Variants in ABHD18 observed in about 807,000 individuals in gnomAD.
ABHD18 encodes the protein abhydrolase domain containing 18.
Under a neutral mutation model 65.9 loss-of-function variants are expected in ABHD18, and 55 were observed. That is an observed-to-expected ratio of 0.84 (90% confidence interval 0.67 to 1.05). The LOEUF is 1.05. ABHD18 is among the 50% of genes least tolerant of loss of function. The pLI is 0.00. For synonymous variants in ABHD18, 181 were observed against 180.2 expected, an observed-to-expected ratio of 1.00 and a Z score of -0.04; for missense variants, 533 against 558.5, an observed-to-expected ratio of 0.95 and a Z score of 0.46.
intron 7 of ABHD18, among the ~76,000 whole-genome samples, chr4:128,011,961 A>G (rs1043927169): frequency 1.3e-5 from 2 of 152,050 alleles, no homozygotes; most frequent in African/African-American, 4.8e-5. Flanking sequence ...GAAACTGTAA[A>G]TGAAGAAATG....
chr4:128,019,736 C>T (rs1399889742), intron 8 of ABHD18, among the ~76,000 whole-genome samples: 3 of 152,176 alleles, frequency 2.0e-5, no homozygotes, highest in African/African-American at 7.2e-5. Flanking sequence ...TGTGATTTTG[C>T]TCTATCTGGC....
intron 11 of ABHD18, among the ~76,000 whole-genome samples, chr4:128,029,096 A>C (rs1001119061): frequency 6.6e-6 from 1 of 152,082 alleles, no homozygotes; most frequent in Non-Finnish European, 1.5e-5. Context: ...TCATGCCTGT[A>C]ATCCCAGCAT....
At chr4:128,028,400 C>T in intron 10 of ABHD18, 75 bp from the exon 11 acceptor site, 11 of 1,140,744 alleles carry the variant, frequency 9.6e-6, no homozygotes, top group East Asian at 8.6e-5. Context: ...TTTGTCTTTT[C>T]TCTTTTTTTT....
chr4:128,032,344 G>A (rs1005528203), intron 12 of ABHD18, among the ~76,000 whole-genome samples: 1 of 152,020 alleles, frequency 6.6e-6, no homozygotes, highest in African/African-American at 2.4e-5. Context: ...GATGACATTG[G>A]AATAGTAGAA....
chr4:128,013,427 G>T (rs1249731824), intron 7 of ABHD18, among the ~76,000 whole-genome samples: 1 of 152,132 alleles, frequency 6.6e-6, no homozygotes. Context: ...TGGGCCGGGC[G>T]CAGTGGCTCA....
At chr4:127,987,526 C>G (rs1271223584) in intron 3 of ABHD18, among the ~76,000 whole-genome samples, 2 of 151,744 alleles carry the variant, frequency 1.3e-5, no homozygotes, top group African/African-American at 4.8e-5. Flanking sequence ...CCTGGCCAAC[C>G]TGGCAAAACC....
intron 1 of ABHD18, among the ~76,000 whole-genome samples, chr4:127,972,760 G>A (rs1262446653): frequency 1.3e-5 from 2 of 151,898 alleles, no homozygotes; most frequent in Non-Finnish European, 2.9e-5. Context: ...AAAAACACTA[G>A]TCAAGCAATT....
At chr4:127,968,994 A>G (rs996772828) in intron 1 of ABHD18, among the ~76,000 whole-genome samples, 1 of 151,236 alleles carries the variant, frequency 6.6e-6, no homozygotes, top group African/African-American at 2.5e-5. Flanking sequence ...ATGGGATTTA[A>G]GAAGATTTGT....
intron 1 of ABHD18, among the ~76,000 whole-genome samples, chr4:127,967,220 T>G (rs1745771693): frequency 6.6e-6 from 1 of 151,886 alleles, no homozygotes; most frequent in South Asian, 2.1e-4. Context: ...CTCATTGAAT[T>G]ACTTCATCTC....
In ABHD18 at chr4:128,028,844, A is replaced by C; in HGVS notation, c.1171A>C (p.Asn391His). The C allele has an allele frequency of 6.5e-7, 1 of 1,544,080 alleles. No homozygotes were observed. The highest frequency in any genetic ancestry group is 8.7e-7 in the Non-Finnish European group (1 of 1,148,752). ...CATGGATGAATGTACTCATGTAGCAAATTTCTCAGGTACTAATTTTTATAT... is the reference window on the plus strand; with the variant it reads ...CATGGATGAATGTACTCATGTAGCACATTTCTCAGGTACTAATTTTTATAT... ...GVMDECTHVA[N>H]FSVPVDPSLI... The change falls in exon 11 of 13, where the codon AAT (asparagine) becomes CAT (histidine). Residue 391 changes from asparagine to histidine, a missense_variant. Physicochemically the swap from Asn to His is moderately conservative, Grantham distance 68. This residue lies in a region of ABHD18 where 220 missense variants were observed against 226.8 expected (regional missense o/e 0.97). Transcript: ENST00000645843.
chr4:128,006,129 T>C (rs546227868), intron 4 of ABHD18, among the ~76,000 whole-genome samples: 3 of 152,294 alleles, frequency 2.0e-5, no homozygotes, highest in South Asian at 2.1e-4. Context: ...TGTTAGAAGA[T>C]AGTCGAATTT....
At position 127,999,037 on chromosome 4, in the gene ABHD18, G is replaced by A. The variant is rs574789515; in HGVS notation, c.278+9216G>A. 2.4e-4 allele frequency among the ~76,000 whole-genome samples: 37 copies of A among 151,398 alleles called. 1 individual carries two copies. Among genetic ancestry groups the A allele is most frequent in the African/African-American group, 8.2e-4 (34 of 41,432 alleles). ...AAGATGAAGGAGTTCATTATTATAC[G>A]CAGACTTTCATTTAAATATATAAAA... On this transcript the variant is annotated intron_variant, in intron 4 of 12. Coordinates refer to ENST00000645843, the MANE Select transcript of ABHD18 (RefSeq NM_001358451.3).
At chr4:128,000,712 A>T (rs1752512621) in intron 4 of ABHD18, among the ~76,000 whole-genome samples, 1 of 152,188 alleles carries the variant, frequency 6.6e-6, no homozygotes, top group Admixed American at 6.6e-5. Flanking sequence ...GAATCTGTGA[A>T]TTACTTTGGA....
chr4:128,018,036 C>T (rs375430952), intron 8 of ABHD18, among the ~76,000 whole-genome samples: 21 of 152,282 alleles, frequency 1.4e-4, no homozygotes, highest in Middle Eastern at 3.4e-3. Flanking sequence ...CAAAAGCTTG[C>T]GTGCACACTG....
intron 1 of ABHD18, among the ~76,000 whole-genome samples, chr4:127,971,600 C>G (rs1022799166): frequency 2.1e-5 from 3 of 144,374 alleles, no homozygotes; most frequent in African/African-American, 7.7e-5. Flanking sequence ...AAATGATTCT[C>G]CTGCCTCAGC....
intron 7 of ABHD18, among the ~76,000 whole-genome samples, chr4:128,012,627 A>G (rs935224179): frequency 1.3e-5 from 2 of 152,184 alleles, no homozygotes; most frequent in African/African-American, 2.4e-5. Context: ...CAGTGTAGTA[A>G]CAGTATTATA....
intron 7 of ABHD18, among the ~76,000 whole-genome samples, chr4:128,017,021 G>A (rs556633203): frequency 7.2e-5 from 11 of 152,048 alleles, no homozygotes; most frequent in African/African-American, 2.2e-4. Context: ...AGGTTCAAGC[G>A]ATTTTCATGC....
At chr4:128,016,338 T>C (rs1272422440) in intron 7 of ABHD18, among the ~76,000 whole-genome samples, 1 of 152,182 alleles carries the variant, frequency 6.6e-6, no homozygotes, top group African/African-American at 2.4e-5. Flanking sequence ...AAAACATGTA[T>C]ATTTATAAAA....
intron 1 of ABHD18, among the ~76,000 whole-genome samples, chr4:127,982,629 T>TA (rs533658752): frequency 6.8e-4 from 104 of 152,300 alleles, no homozygotes; most frequent in Admixed American, 2.1e-3. Context: ...TGGCAGATAA[T>TA]ACACTATCAC....
Sources: gnomAD v4.1 joint callset for allele counts (sites outside exome capture counted in the v4.1 genomes callset) on GRCh38, gnomAD v4.1.1 for gene constraint, gnomAD v4.1.1 regional missense constraint, MANE v1.5 for transcripts, NCBI Gene and HGNC (gene_info 2026-07-23, HGNC 2026-07-21) for gene names.